Variants in FBXL17 observed in about 807,000 individuals in gnomAD.
FBXL17 encodes F-box and leucine rich repeat protein 17.
FBXL17 carries 22 observed loss-of-function variants against 66.2 expected under a neutral mutation model. The observed-to-expected ratio is 0.33, with a 90% CI of 0.24 to 0.47. FBXL17 has a LOEUF of 0.47. Ranked by LOEUF, FBXL17 falls within the 20% of genes least tolerant of loss-of-function variation. The pLI is 1.00. For missense variants in FBXL17, 878 were observed against 948.2 expected (o/e 0.93, Z 0.97); for synonymous variants, 474 against 400.5 (o/e 1.18, Z -2.19).
intron 4 of FBXL17, among the ~76,000 whole-genome samples, chr5:108,251,214 T>C (rs1756335926): frequency 6.6e-6 from 1 of 151,918 alleles, no homozygotes; most frequent in African/African-American, 2.4e-5. Context: ...TTGAAAAGAG[T>C]GTCCCTTGCT....
intron 6 of FBXL17, among the ~76,000 whole-genome samples, chr5:108,040,750 G>T (rs1018723533): frequency 6.6e-6 from 1 of 152,110 alleles, no homozygotes; most frequent in African/African-American, 2.4e-5. Context: ...ATGATATGCA[G>T]GAATAAAGAG....
At chr5:108,321,975 A>C (rs1759641361) in intron 4 of FBXL17, among the ~76,000 whole-genome samples, 2 of 151,964 alleles carry the variant, frequency 1.3e-5, no homozygotes, top group Non-Finnish European at 2.9e-5. Context: ...AATAAGAGAA[A>C]CGCAAATTAA....
Position 108,364,772 on chromosome 5 carries a change from T to C in FBXL17, c.1340A>G (p.Asn447Ser), listed in dbSNP as rs1748554256. The change falls in exon 3 of 9, where the codon AAC (asparagine) becomes AGC (serine). Residue 447 changes from asparagine (N) to serine (S), a missense_variant. Around this residue, in one of 4 missense-constraint regions of FBXL17, gnomAD observed 236 missense variants for 389.1 expected, o/e 0.61. Transcript: ENST00000542267. ...CPLLQKVHVG[N>S]QDKLTDEGLK... ...TCCTTCATCAGTGAGTTTGTCCTGG[T>C]TGCCTACATGCACTTTCTGAAGTAA... 8 of 1,612,692 alleles carry C rather than the reference T, an allele frequency of 5.0e-6. No individual in the cohort carries two copies. Among genetic ancestry groups the C allele is most frequent in the Non-Finnish European group, 6.8e-6 (8 of 1,179,064 alleles).
intron 7 of FBXL17, among the ~76,000 whole-genome samples, chr5:107,956,078 C>T (rs184699053): frequency 6.6e-6 from 1 of 152,160 alleles, no homozygotes; most frequent in African/African-American, 2.4e-5. Context: ...TGTCATAAAA[C>T]CATCAAAAAC....
chr5:108,052,078 A>C (rs1747497511), intron 6 of FBXL17, among the ~76,000 whole-genome samples: 1 of 139,314 alleles, frequency 7.2e-6, no homozygotes, highest in Non-Finnish European at 1.5e-5. Flanking sequence ...GTGCCACTGC[A>C]CTCCAGCCTA....
chr5:108,381,279 G>A lies in FBXL17; in HGVS notation c.413C>T (p.Ala138Val), dbSNP rs1242560019. The change falls in exon 1 of 9, where the codon GCC becomes GTC. Residue 138 changes from alanine to valine, a missense_variant. Physicochemically the swap from Ala to Val is moderately conservative, Grantham distance 64. Transcript: ENST00000542267. ...CAGCCCCAACTCTTTGCAGCAGGAGGCGGGCGACGAAGCCGAGGCGGCAGC... is the reference window on the plus strand; with the variant it reads ...CAGCCCCAACTCTTTGCAGCAGGAGACGGGCGACGAAGCCGAGGCGGCAGC... ...AAAAASASSP[A>V]SCCKELGLAA... The A allele has an allele frequency of 5.6e-6, 8 of 1,420,280 alleles. No homozygotes were observed. The African/African-American group carries it at 1.0e-4, about 19-fold the overall frequency. 88.0% of individuals were successfully genotyped at this position (1,420,280 alleles called of 1,614,324 possible).
intron 4 of FBXL17, among the ~76,000 whole-genome samples, chr5:108,236,239 G>C (rs1174611468): frequency 3.3e-4 from 49 of 150,530 alleles, no homozygotes; most frequent in Admixed American, 3.2e-3. Context: ...AGGCCAGGCA[G>C]GGTGGCTCAT....
intron 7 of FBXL17, among the ~76,000 whole-genome samples, chr5:107,920,694 T>G (rs148504366): frequency 6.6e-6 from 1 of 152,324 alleles, no homozygotes; most frequent in Non-Finnish European, 1.5e-5. Context: ...GTATAGCACC[T>G]TTTATAAATC....
chr5:108,273,544 ATTC>A (rs1757363266), intron 4 of FBXL17, among the ~76,000 whole-genome samples: 9 of 151,880 alleles, frequency 5.9e-5, no homozygotes, highest in Admixed American at 5.9e-4. Context: ...TACCATAAAA[ATTC>A]TTTTTATCAA....
At chr5:108,044,116 C>T (rs539354931) in intron 6 of FBXL17, among the ~76,000 whole-genome samples, 2 of 152,066 alleles carry the variant, frequency 1.3e-5, no homozygotes, top group Admixed American at 6.6e-5. Flanking sequence ...ATAAACAATT[C>T]GGTCATCTGT....
intron 6 of FBXL17, among the ~76,000 whole-genome samples, chr5:108,127,695 G>A (rs891149234): frequency 6.6e-6 from 1 of 151,944 alleles, no homozygotes; most frequent in African/African-American, 2.4e-5. Context: ...AAAATCTATA[G>A]GTAATGTGAT....
At chr5:108,291,859 A>T (rs1435576431) in intron 4 of FBXL17, among the ~76,000 whole-genome samples, 1 of 152,150 alleles carries the variant, frequency 6.6e-6, no homozygotes. Context: ...CCCAATGCAC[A>T]ATTAATCATC....
intron 6 of FBXL17, among the ~76,000 whole-genome samples, chr5:108,161,471 G>A (rs10054047): frequency 0.46 from 69,224 of 150,322 alleles, 16,874 homozygotes; most frequent in Admixed American, 0.58. Context: ...GGGCGACAGC[G>A]GAAGACTCTG....
chr5:108,297,997 T>C (rs1462442461), intron 4 of FBXL17: 65 of 984,126 alleles, frequency 6.6e-5, no homozygotes, highest in Non-Finnish European at 7.8e-5. Context: ...GAATTCTAAA[T>C]GTAAGCTACA....
intron 6 of FBXL17, among the ~76,000 whole-genome samples, chr5:108,129,176 C>A (rs1423858111): frequency 6.6e-6 from 1 of 152,044 alleles, no homozygotes; most frequent in Non-Finnish European, 1.5e-5. Flanking sequence ...CCTGATGGAG[C>A]ACGTGAATTA....
chr5:108,357,594 C>A (rs368731262), intron 3 of FBXL17, among the ~76,000 whole-genome samples: 1 of 151,994 alleles, frequency 6.6e-6, no homozygotes, highest in African/African-American at 2.4e-5. Flanking sequence ...ATAAAACACA[C>A]ATTCACAAAT....
intron 4 of FBXL17, among the ~76,000 whole-genome samples, chr5:108,290,374 G>GT (rs1335069756): frequency 6.6e-6 from 1 of 152,036 alleles, no homozygotes; most frequent in Non-Finnish European, 1.5e-5. Flanking sequence ...TCCATTAGTT[G>GT]TTTTTTTACC....
intron 4 of FBXL17, among the ~76,000 whole-genome samples, chr5:108,239,732 G>C (rs1755770166): frequency 6.6e-6 from 1 of 152,066 alleles, no homozygotes; most frequent in Non-Finnish European, 1.5e-5. Flanking sequence ...GGAGCTGGGG[G>C]ACCAAGGGAG....
chr5:108,069,148 G>A (rs906387260), intron 6 of FBXL17, among the ~76,000 whole-genome samples: 5 of 152,084 alleles, frequency 3.3e-5, no homozygotes, highest in African/African-American at 1.2e-4. Flanking sequence ...GTTATTTTGG[G>A]GGCAGAGCTA....
Sources: gnomAD v4.1 joint callset for allele counts (sites outside exome capture counted in the v4.1 genomes callset) on GRCh38, gnomAD v4.1.1 for gene constraint, gnomAD v4.1.1 regional missense constraint, MANE v1.5 for transcripts, NCBI Gene and HGNC (gene_info 2026-07-23, HGNC 2026-07-21) for gene names.